The following MRAP2 variants were observed in gnomAD, a reference collection of about 807,000 sequenced individuals.
MRAP2 encodes the protein melanocortin 2 receptor accessory protein 2, also known as melanocortin-2 receptor accessory protein 2.
Under a neutral mutation model 17.4 loss-of-function variants are expected in MRAP2, and 20 were observed. That is an observed-to-expected ratio of 1.15 (90% CI 0.81 to 1.67). The LOEUF (loss-of-function observed/expected upper bound fraction) is 1.67, where lower values mean the gene tolerates loss of function less well. Among genes scored for constraint, MRAP2 ranks in the 40% most tolerant of loss-of-function variants. The pLI is 0.00. For synonymous variants in MRAP2, 96 were observed against 88.4 expected, an observed-to-expected ratio of 1.09 and a Z score of -0.48; for missense variants, 238 against 240.0, an observed-to-expected ratio of 0.99 and a Z score of 0.05.
chr6:84,059,484 G>A (rs529910476), intron 2 of MRAP2, among the ~76,000 whole-genome samples: 6 of 152,166 alleles, frequency 3.9e-5, no homozygotes, highest in Non-Finnish European at 8.8e-5. Flanking sequence ...ATATAACCAC[G>A]AAGTGGAAAG....
the MRAP2 span, among the ~76,000 whole-genome samples, chr6:84,115,734 C>T: frequency 6.6e-6 from 1 of 152,248 alleles, no homozygotes; most frequent in African/African-American, 2.4e-5. Context: ...ATCTCCTGGT[C>T]TGCAGGTCGT....
the MRAP2 span, among the ~76,000 whole-genome samples, chr6:84,138,722 ATTAAG>A: frequency 2.6e-5 from 4 of 152,224 alleles, no homozygotes; most frequent in African/African-American, 7.2e-5. Flanking sequence ...ATTAACAACA[ATTAAG>A]TTAACTAAAA....
chr6:84,058,486 C>A (rs1000808773), intron 2 of MRAP2, among the ~76,000 whole-genome samples: 1 of 152,000 alleles, frequency 6.6e-6, no homozygotes, highest in South Asian at 2.1e-4. Context: ...CAGAGAGGAA[C>A]CCCAGGAGCT....
At chr6:84,107,568 T>G in the MRAP2 span, among the ~76,000 whole-genome samples, 1 of 152,206 alleles carries the variant, frequency 6.6e-6, no homozygotes. Flanking sequence ...TCAAGATCTT[T>G]GTGAACCAAA....
chr6:84,059,381 A>G (rs1024377970), intron 2 of MRAP2, among the ~76,000 whole-genome samples: 17 of 152,196 alleles, frequency 1.1e-4, no homozygotes, highest in African/African-American at 4.1e-4. Context: ...AATTCATATC[A>G]CAGAATTGGC....
chr6:84,037,667 C>T (rs907134999), intron 1 of MRAP2, among the ~76,000 whole-genome samples: 2 of 152,180 alleles, frequency 1.3e-5, no homozygotes, highest in Non-Finnish European at 2.9e-5. Flanking sequence ...TTGAGTGCGG[C>T]GCAGGCAGGC....
chr6:84,057,056 G>C (rs2099491866), intron 2 of MRAP2, among the ~76,000 whole-genome samples: 1 of 152,156 alleles, frequency 6.6e-6, no homozygotes, highest in Non-Finnish European at 1.5e-5. Flanking sequence ...AGCACTTACT[G>C]TTCTGATATA....
At chr6:84,074,137 C>G (rs1213780408) in intron 3 of MRAP2, among the ~76,000 whole-genome samples, 2 of 152,086 alleles carry the variant, frequency 1.3e-5, no homozygotes, top group African/African-American at 4.8e-5. Context: ...AAAAAGGAAC[C>G]CATTCCCCAT....
chr6:84,093,832 T>C (rs953717580), downstream of MRAP2, among the ~76,000 whole-genome samples: 2 of 152,234 alleles, frequency 1.3e-5, no homozygotes, highest in Non-Finnish European at 2.9e-5. Flanking sequence ...AGTATGCATA[T>C]GGGGCCTCAG....
intron 3 of MRAP2, 61 bp downstream of exon 3, chr6:84,063,053 C>G: frequency 6.2e-7 from 1 of 1,609,938 alleles, no homozygotes; most frequent in Middle Eastern, 1.7e-4. Flanking sequence ...GAAATAGAAA[C>G]TACTACCCAG....
the MRAP2 span, among the ~76,000 whole-genome samples, chr6:84,122,662 C>T: frequency 1.4e-4 from 22 of 152,092 alleles, no homozygotes; most frequent in African/African-American, 5.3e-4. Flanking sequence ...TCCCTAAGAA[C>T]TGGAAAAAAG....
At chr6:84,064,233 G>A (rs2099493945) in intron 3 of MRAP2, among the ~76,000 whole-genome samples, 2 of 151,076 alleles carry the variant, frequency 1.3e-5, no homozygotes, top group Non-Finnish European at 2.9e-5. Context: ...GAGGAGTTGT[G>A]ACTTTGGGCT....
At chr6:84,126,082 C>T in the MRAP2 span, among the ~76,000 whole-genome samples, 3 of 152,128 alleles carry the variant, frequency 2.0e-5, no homozygotes, top group Non-Finnish European at 2.9e-5. Context: ...GAATATGGAA[C>T]ACCATGCCTT....
downstream of MRAP2, among the ~76,000 whole-genome samples, chr6:84,095,659 A>G (rs1251206949): frequency 6.6e-6 from 1 of 152,194 alleles, no homozygotes; most frequent in African/African-American, 2.4e-5. Context: ...AAAATTGTCT[A>G]TTATTGGTAG....
chr6:84,065,116 G>C (rs59581852), intron 3 of MRAP2, among the ~76,000 whole-genome samples: 20,331 of 151,772 alleles, frequency 0.13, 1,439 homozygotes, highest in Middle Eastern at 0.26. Flanking sequence ...AAAACCCTGT[G>C]TCTACAAAAA....
chr6:84,103,334 G>A, the MRAP2 span, among the ~76,000 whole-genome samples: 1 of 152,168 alleles, frequency 6.6e-6, no homozygotes, highest in Non-Finnish European at 1.5e-5. Context: ...AGGAGATCAA[G>A]GGATGACAAA....
the MRAP2 span, among the ~76,000 whole-genome samples, chr6:84,126,822 T>C: frequency 6.7e-6 from 1 of 149,370 alleles, no homozygotes; most frequent in Non-Finnish European, 1.5e-5. Context: ...CTACAAGGTA[T>C]TGTTAGTAAG....
At chr6:84,037,345 T>C (rs970799345) in intron 1 of MRAP2, among the ~76,000 whole-genome samples, 4 of 152,218 alleles carry the variant, frequency 2.6e-5, no homozygotes, top group African/African-American at 7.2e-5. Context: ...GATTGGTGCA[T>C]ATACAATCCT....
intron 1 of MRAP2, among the ~76,000 whole-genome samples, chr6:84,053,708 ATTTAACT>A (rs2129163874): frequency 6.6e-6 from 1 of 152,334 alleles, no homozygotes; most frequent in South Asian, 2.1e-4. Context: ...GCAACATCAC[ATTTAACT>A]TTTATGGCAA....
Sources: allele counts gnomAD v4.1 joint callset (sites outside exome capture counted in the v4.1 genomes callset), GRCh38; gene constraint gnomAD v4.1.1; transcripts MANE v1.5; gene names NCBI Gene and HGNC (gene_info 2026-07-23, HGNC 2026-07-21).